Variants in CAPN7 observed in about 807,000 individuals in gnomAD.
CAPN7 encodes the protein calpain 7.
A neutral mutation model predicts 115.2 loss-of-function variants in CAPN7; 72 were observed. That is an observed-to-expected ratio of 0.63 (90% CI 0.52 to 0.76). The LOEUF (loss-of-function observed/expected upper bound fraction) is 0.76, where lower values mean the gene tolerates loss of function less well. Among genes scored for constraint, CAPN7 ranks in the 30% least tolerant of loss-of-function variants. CAPN7 has a pLI of 0.00. For synonymous variants in CAPN7, 344 were observed against 322.3 expected, an observed-to-expected ratio of 1.07 and a Z score of -0.72; for missense variants, 905 against 971.5, an observed-to-expected ratio of 0.93 and a Z score of 0.91.
intron 5 of CAPN7, 105 bp from the exon 6 acceptor site, chr3:15,223,364 GTTTAAT>G (rs1694115635): frequency 1.4e-6 from 1 of 696,998 alleles, no homozygotes; most frequent in East Asian, 2.6e-5. Context: ...GAGGTTGTCA[GTTTAAT>G]TTTAATACAG....
chr3:15,245,927 A>T (rs998620077), intron 17 of CAPN7: 1 of 310,920 alleles, frequency 3.2e-6, no homozygotes, highest in Non-Finnish European at 5.8e-6. Flanking sequence ...AGTATGTTGG[A>T]CTAATAATAC....
intron 2 of CAPN7, among the ~76,000 whole-genome samples, chr3:15,214,758 A>C (rs796970844): frequency 1.3e-4 from 20 of 152,086 alleles, no homozygotes; most frequent in African/African-American, 4.6e-4. Flanking sequence ...TACAGAGTTC[A>C]AGACTTGGAA....
chr3:15,206,365 C>T lies in CAPN7; in HGVS notation c.-131C>T, dbSNP rs562855482. On this transcript the variant is annotated 5_prime_UTR_variant, in exon 1 of 21. Transcript: ENST00000253693. The stretch of plus-strand genomic sequence containing the variant: ...AACGGGAAGGCGAGCTCTCCTCCAC[C>T]GTCCAAAGTAAACTTTGCCGCTCCT... 292 of 648,738 alleles carry T rather than the reference C, an allele frequency of 4.5e-4. No individual in the cohort carries two copies. In the African/African-American group the frequency reaches 5.1e-3, roughly 11 times the overall value. The allele number at this position is 648,738 out of a possible 1,614,324, so 40.2% of individuals were successfully genotyped here.
chr3:15,215,148 G>T (rs1357994597), intron 2 of CAPN7, among the ~76,000 whole-genome samples: 1 of 152,132 alleles, frequency 6.6e-6, no homozygotes, highest in African/African-American at 2.4e-5. Context: ...GCACAAACTG[G>T]GCACAGTGGT....
chr3:15,225,232 C>CT (rs1409280213), intron 6 of CAPN7, among the ~76,000 whole-genome samples: 1 of 152,138 alleles, frequency 6.6e-6, no homozygotes, highest in East Asian at 1.9e-4. Flanking sequence ...ATTCCAAATA[C>CT]TTTAACATTT....
At chr3:15,219,990 C>T (rs1203679414) in intron 4 of CAPN7, among the ~76,000 whole-genome samples, 3 of 152,170 alleles carry the variant, frequency 2.0e-5, no homozygotes, top group East Asian at 1.9e-4. Context: ...CACCTGAGGT[C>T]AGGAGTTCGA....
At chr3:15,212,080 T>C in intron 1 of CAPN7, 24 bp from the exon 2 acceptor site, 1 of 1,457,438 alleles carries the variant, frequency 6.9e-7, no homozygotes. Flanking sequence ...TCTATTGGAT[T>C]CCTTTGAATT....
chr3:15,224,229 A>G (rs1480263020), intron 6 of CAPN7, among the ~76,000 whole-genome samples: 3 of 152,102 alleles, frequency 2.0e-5, no homozygotes, highest in Non-Finnish European at 4.4e-5. Context: ...AAATGTTCCC[A>G]TTACAGAAAT....
At chr3:15,233,541 G>T (rs1180934297) in intron 10 of CAPN7, among the ~76,000 whole-genome samples, 1 of 152,138 alleles carries the variant, frequency 6.6e-6, no homozygotes, top group Non-Finnish European at 1.5e-5. Flanking sequence ...AAAACATGAG[G>T]AACATCATTG....
intron 1 of CAPN7, among the ~76,000 whole-genome samples, chr3:15,207,819 A>G (rs900670641): frequency 5.3e-5 from 8 of 152,208 alleles, no homozygotes; most frequent in African/African-American, 1.9e-4. Flanking sequence ...CTCTTGAAAT[A>G]TCTCCTGAAG....
At position 15,222,024 on chromosome 3, in the gene CAPN7, C is replaced by T. The variant is rs954618682; in HGVS notation, c.638+1043C>T. ...CATATACGTATATAGTATACGTATA[C>T]GTATATATATATGTAAAGTTTTTCT... On this transcript the variant is annotated intron_variant, in intron 5 of 20. Coordinates refer to ENST00000253693, the MANE Select transcript of CAPN7 (RefSeq NM_014296.3). Among the ~76,000 whole-genome samples, 3 of 145,924 alleles carry T rather than the reference C, an allele frequency of 2.1e-5. 1 individual carries two copies. The highest frequency in any genetic ancestry group is 2.0e-4 in the East Asian group (1 of 5,066).
intron 18 of CAPN7, 133 bp downstream of exon 18, chr3:15,246,927 A>T: frequency 1.4e-6 from 1 of 720,426 alleles, no homozygotes; most frequent in African/African-American, 1.9e-5. Context: ...AAATGGCCTC[A>T]ATTTGGGTTG....
At chr3:15,216,878 A>G (rs1693635212) in intron 2 of CAPN7, among the ~76,000 whole-genome samples, 2 of 152,172 alleles carry the variant, frequency 1.3e-5, no homozygotes, top group Non-Finnish European at 2.9e-5. Flanking sequence ...ACTATTCTTT[A>G]TCTCTGATGT....
intron 2 of CAPN7, among the ~76,000 whole-genome samples, chr3:15,214,219 C>G (rs1462090132): frequency 1.3e-5 from 2 of 152,096 alleles, no homozygotes; most frequent in African/African-American, 4.8e-5. Flanking sequence ...CTTGTTTTAC[C>G]AACTTCTTTC....
In CAPN7 at chr3:15,227,889, C is replaced by T; in HGVS notation, c.776C>T (p.Ser259Phe). 1 of 1,550,088 alleles carries T rather than the reference C, an allele frequency of 6.5e-7. No individual in the cohort carries two copies. Among genetic ancestry groups the T allele is most frequent in the Non-Finnish European group, 8.7e-7 (1 of 1,145,952 alleles). ...TCACCTAAACAAAAAACTACATTTT[C>T]CAAGTGGGTACGACCAGAAGACCTC... is the stretch of plus-strand genomic sequence containing the variant. ...PLSPKQKTTFSKWVRPEDLTN... is the reference protein window; with the variant it reads ...PLSPKQKTTFFKWVRPEDLTN... Residue 259 changes from serine to phenylalanine, a missense_variant, in exon 7 of 21, where the codon TCC (serine) becomes TTC (phenylalanine). Physicochemically the swap from Ser to Phe is radical, Grantham distance 155 (BLOSUM62 -2). Around this residue, in one of 3 missense-constraint regions of CAPN7, gnomAD observed 620 missense variants for 703.4 expected, o/e 0.88. Coordinates refer to ENST00000253693, the MANE Select transcript of CAPN7 (RefSeq NM_014296.3).
chr3:15,217,003 T>A (rs974111236), intron 2 of CAPN7, among the ~76,000 whole-genome samples: 4 of 151,348 alleles, frequency 2.6e-5, no homozygotes, highest in African/African-American at 9.7e-5. Flanking sequence ...TTTGGGAGGC[T>A]GAAACTGGCA....
At chr3:15,240,965 G>A in intron 14 of CAPN7, 112 bp downstream of exon 14, 1 of 658,024 alleles carries the variant, frequency 1.5e-6, no homozygotes. Context: ...AGCACTTTGG[G>A]AGGCCGAGGT....
At chr3:15,221,719 C>G (rs569671261) in intron 5 of CAPN7, among the ~76,000 whole-genome samples, 3 of 152,034 alleles carry the variant, frequency 2.0e-5, no homozygotes, top group African/African-American at 7.2e-5. Flanking sequence ...CCTGCAATCC[C>G]AGCATTTTGG....
chr3:15,245,201 A>AG (rs1695587137), intron 16 of CAPN7, among the ~76,000 whole-genome samples: 1 of 151,634 alleles, frequency 6.6e-6, no homozygotes, highest in African/African-American at 2.4e-5. Flanking sequence ...TCATCTCAAA[A>AG]AAAAAACTAA....
Sources: gnomAD v4.1 joint callset for allele counts (sites outside exome capture counted in the v4.1 genomes callset) on GRCh38, gnomAD v4.1.1 for gene constraint, gnomAD v4.1.1 regional missense constraint, MANE v1.5 for transcripts, NCBI Gene and HGNC (gene_info 2026-07-23, HGNC 2026-07-21) for gene names.